WDR41: variants seen among roughly 807,000 people sequenced by gnomAD.
The protein encoded by WDR41 is WD repeat-containing protein 41.
Under a neutral mutation model 69.3 loss-of-function variants are expected in WDR41, and 63 were observed. The ratio of observed to expected loss-of-function variants is 0.91; its 90% confidence interval spans 0.74 to 1.12. The LOEUF (loss-of-function observed/expected upper bound fraction) is 1.12. WDR41 is among the 50% of genes most tolerant of loss of function. The pLI is 0.00. For synonymous variants in WDR41, 185 were observed against 192.1 expected, an observed-to-expected ratio of 0.96 and a Z score of 0.31; for missense variants, 543 against 534.5, an observed-to-expected ratio of 1.02 and a Z score of -0.16.
At chr5:77,611,661 T>C (rs1298114904) in intron 1 of WDR41, among the ~76,000 whole-genome samples, 6 of 152,242 alleles carry the variant, frequency 3.9e-5, no homozygotes, top group African/African-American at 1.4e-4. Flanking sequence ...GGGAAATTTA[T>C]AGCACTAAAT....
chr5:77,576,077 A>G (rs1200716105), intron 1 of WDR41, among the ~76,000 whole-genome samples: 14 of 152,160 alleles, frequency 9.2e-5, no homozygotes, highest in Admixed American at 7.2e-4. Context: ...ACCTCTTATC[A>G]TGTTGTAATA....
chr5:77,572,195 T>G lies in WDR41; in HGVS notation c.42+48284A>C, dbSNP rs115024575. On this transcript the variant is annotated intron_variant, in intron 1 of 5. Transcript: ENST00000509971. ...TGCTGCTTGTACAGCACTTTGGAAC[T>G]AACAATGCACATCCATTGTATGATA... 6.8e-3 allele frequency among the ~76,000 whole-genome samples: 1,035 copies of G among 152,318 alleles called. 6 individuals are homozygous for G. Among genetic ancestry groups the G allele is most frequent in the African/African-American group, 0.024 (992 of 41,564 alleles).
chr5:77,445,270 A>G (rs1799334233), intron 8 of WDR41, among the ~76,000 whole-genome samples: 1 of 152,220 alleles, frequency 6.6e-6, no homozygotes, highest in Non-Finnish European at 1.5e-5. Flanking sequence ...AAGTTCTGAA[A>G]TTGAGGCAGT....
chr5:77,615,030 G>A (rs193056600), intron 1 of WDR41, among the ~76,000 whole-genome samples: 2 of 152,284 alleles, frequency 1.3e-5, no homozygotes, highest in Admixed American at 1.3e-4. Context: ...AAGATCAGTG[G>A]CTGCCTGAGG....
rs74735038 is a variant in WDR41 at position 77,525,574 on chromosome 5, T to C, written c.43-36002A>G. On this transcript the variant is annotated intron_variant, in intron 1 of 5. Transcript: ENST00000509971. Reference sequence around the variant, plus strand: ...AATGTAAATAGTGGCTGAGCTGGGTTATTAAATTGGGGTTTAGGGAAGATC... The same window carrying C: ...AATGTAAATAGTGGCTGAGCTGGGTCATTAAATTGGGGTTTAGGGAAGATC... Among the ~76,000 whole-genome samples, 90 of 152,250 alleles carry C rather than the reference T, an allele frequency of 5.9e-4. 1 individual carries two copies. The East Asian group carries it at 0.015, about 25-fold the overall frequency.
In WDR41 at chr5:77,447,081, A is replaced by T. The variant is rs1799414132; in HGVS notation, c.697+2679T>A. Among the ~76,000 whole-genome samples, 3 of 152,112 alleles carry T rather than the reference A, an allele frequency of 2.0e-5. No homozygotes were observed. The South Asian group carries it at 6.2e-4, about 32-fold the overall frequency. On this transcript the variant is annotated intron_variant, in intron 8 of 12. Transcript: ENST00000296679. ...ACAAGGAACTTAAATTTACAAGAAA[A>T]AAACAACCCCATCAAAAAGTGGGCA...
At chr5:77,580,675 G>T (rs1580024140) in intron 1 of WDR41, among the ~76,000 whole-genome samples, 1 of 152,072 alleles carries the variant, frequency 6.6e-6, no homozygotes, top group Non-Finnish European at 1.5e-5. Flanking sequence ...TAAAAAGTAG[G>T]CTGGGCACGG....
At chr5:77,546,037 TG>T (rs1743190523) in intron 1 of WDR41, 1 of 556,326 alleles carries the variant, frequency 1.8e-6, no homozygotes, top group Non-Finnish European at 3.1e-6. Flanking sequence ...TGATGATGGC[TG>T]GTATTGATGA....
At position 77,485,243 on chromosome 5, in the gene WDR41, T is replaced by C. The variant is rs118142003; in HGVS notation, c.167+4214A>G. ...ACCCAGGTACTAGAAGGATCTATAC[T>C]GACTATCTGTTTCCCAGGGAACCCA... is the stretch of plus-strand genomic sequence containing the variant. On this transcript the variant is annotated intron_variant, in intron 2 of 12. Transcript: ENST00000296679. Among the ~76,000 whole-genome samples the C allele has an allele frequency of 2.1e-3, 327 of 152,322 alleles. 7 individuals are homozygous for C. In the East Asian group the frequency reaches 0.043, roughly 20 times the overall value.
chr5:77,484,247 TG>T (rs1801410966), intron 2 of WDR41, among the ~76,000 whole-genome samples: 1 of 152,054 alleles, frequency 6.6e-6, no homozygotes, highest in Non-Finnish European at 1.5e-5. Context: ...AAACACAAGC[TG>T]AAAGGACAAA....
At chr5:77,533,784 G>A (rs1742908781) in intron 1 of WDR41, among the ~76,000 whole-genome samples, 1 of 152,134 alleles carries the variant, frequency 6.6e-6, no homozygotes. Context: ...ATCAGTGTAG[G>A]GGCCCCTTCA....
intron 2 of WDR41, among the ~76,000 whole-genome samples, chr5:77,466,260 A>G (rs1348611452): frequency 6.6e-6 from 1 of 151,996 alleles, no homozygotes; most frequent in Non-Finnish European, 1.5e-5. Flanking sequence ...CATTTTTAAA[A>G]TAAAAATAGA....
In WDR41 at chr5:77,618,157, A is replaced by G. The variant is rs182252208; in HGVS notation, c.42+2322T>C. 7.9e-5 allele frequency among the ~76,000 whole-genome samples: 12 copies of G among 152,320 alleles called. No homozygotes were observed. In the Middle Eastern group the frequency reaches 0.01, roughly 130 times the overall value. On this transcript the variant is annotated intron_variant, in intron 1 of 5. Coordinates refer to the WDR41 transcript ENST00000509971. ...TGACCCGTTCCTGAGGTTAGCATCA[A>G]TCACACTTAATTCCCCTGGACATGT...
intron 1 of WDR41, among the ~76,000 whole-genome samples, chr5:77,522,086 A>G (rs1044855939): frequency 5.9e-5 from 9 of 152,184 alleles, no homozygotes; most frequent in African/African-American, 2.2e-4. Flanking sequence ...GGTGACTAAA[A>G]CATCAGAGGT....
intron 1 of WDR41, among the ~76,000 whole-genome samples, chr5:77,588,518 G>GA (rs201007117): frequency 0.022 from 3,363 of 151,300 alleles, 113 homozygotes; most frequent in African/African-American, 0.067. Context: ...TCCTTTTTTG[G>GA]AAAAAAAATG....
chr5:77,559,542 A>G (rs1313256717), intron 1 of WDR41, among the ~76,000 whole-genome samples: 4 of 151,964 alleles, frequency 2.6e-5, no homozygotes, highest in African/African-American at 9.7e-5. Context: ...AATTCAATAT[A>G]TGGACATGAT....
chr5:77,438,451 C>A (rs80317340), intron 9 of WDR41, 90 bp from the exon 10 acceptor site: 29,280 of 1,522,044 alleles, frequency 0.019, 329 homozygotes, highest in African/African-American at 0.034. Context: ...CATCAGAAAG[C>A]CACCATTACC....
chr5:77,503,040 CAAATGCCCAAATTAAAA>C (rs1253627082), intron 1 of WDR41, among the ~76,000 whole-genome samples: 2 of 151,834 alleles, frequency 1.3e-5, no homozygotes, highest in Non-Finnish European at 2.9e-5. Flanking sequence ...GTAAACAGGC[CAAATGCCCAAATTAAAA>C]AACACAGACC....
intron 5 of WDR41, 59 bp downstream of exon 5, chr5:77,459,003 C>A: frequency 7.9e-7 from 1 of 1,263,640 alleles, no homozygotes; most frequent in East Asian, 2.4e-5. Context: ...CTCTTTAAAC[C>A]ATGTCTTCTG....
Sources: allele counts gnomAD v4.1 joint callset (sites outside exome capture counted in the v4.1 genomes callset), GRCh38; gene constraint gnomAD v4.1.1; transcripts MANE v1.5; gene names NCBI Gene and HGNC (gene_info 2026-07-23, HGNC 2026-07-21).